The following SKAP2 variants were observed in gnomAD, a reference collection of about 807,000 sequenced individuals.
SKAP2 encodes the protein src kinase associated phosphoprotein 2.
SKAP2 carries 28 observed loss-of-function variants against 54.9 expected under a neutral mutation model. That is an observed-to-expected ratio of 0.51 (90% confidence interval 0.38 to 0.70). SKAP2 has a LOEUF of 0.70. Ranked by LOEUF, SKAP2 falls within the 30% of genes least tolerant of loss-of-function variation. The pLI is 0.00. For missense variants in SKAP2, 356 were observed against 424.1 expected (o/e 0.84, Z 1.41); for synonymous variants, 137 against 134.3 (o/e 1.02, Z -0.14).
At chr7:26,739,696 G>A (rs1487118042) in intron 5 of SKAP2, among the ~76,000 whole-genome samples, 191 bp downstream of exon 5, 11 of 152,038 alleles carry the variant, frequency 7.2e-5, no homozygotes, top group Non-Finnish European at 1.6e-4. Context: ...CTAACCTAAT[G>A]TTTTCTTATT....
chr7:26,794,143 T>A (rs552963728), intron 4 of SKAP2, among the ~76,000 whole-genome samples: 2 of 152,218 alleles, frequency 1.3e-5, no homozygotes, highest in Non-Finnish European at 2.9e-5. Flanking sequence ...AAATAGTGTA[T>A]CTTCTTTTAT....
At chr7:26,697,674 T>C (rs1341075774) in intron 9 of SKAP2, among the ~76,000 whole-genome samples, 1 of 152,138 alleles carries the variant, frequency 6.6e-6, no homozygotes, top group Admixed American at 6.6e-5. Flanking sequence ...GTAACCTTTT[T>C]CTTATTATTC....
intron 4 of SKAP2, among the ~76,000 whole-genome samples, chr7:26,749,774 ATAATAATAATAG>A (rs942635707): frequency 4.0e-5 from 6 of 149,060 alleles, no homozygotes; most frequent in African/African-American, 1.2e-4. Flanking sequence ...AATAATAATA[ATAATAATAATAG>A]GTCCTACTTC....
downstream of SKAP2, among the ~76,000 whole-genome samples, chr7:26,663,613 A>G (rs563521161): frequency 3.3e-5 from 5 of 152,312 alleles, no homozygotes; most frequent in East Asian, 9.6e-4. Flanking sequence ...CTGATGGTAC[A>G]GTTTGTTAAC....
chr7:26,723,269 G>A (rs950336924), intron 9 of SKAP2, among the ~76,000 whole-genome samples: 1 of 152,150 alleles, frequency 6.6e-6, no homozygotes, highest in Non-Finnish European at 1.5e-5. Flanking sequence ...GTAGCCGTTG[G>A]CACAAACTTG....
intron 4 of SKAP2, among the ~76,000 whole-genome samples, chr7:26,834,593 A>G (rs1250745832): frequency 6.6e-6 from 1 of 152,212 alleles, no homozygotes; most frequent in Non-Finnish European, 1.5e-5. Context: ...TAGAAAATCT[A>G]AAAGAAATGG....
chr7:26,701,298 G>A (rs1787015948), intron 9 of SKAP2, among the ~76,000 whole-genome samples: 1 of 152,110 alleles, frequency 6.6e-6, no homozygotes, highest in Non-Finnish European at 1.5e-5. Flanking sequence ...CTGAACCACT[G>A]TCTCTAATAA....
intron 3 of SKAP2, among the ~76,000 whole-genome samples, chr7:26,846,594 C>T (rs1046448742): frequency 1.3e-5 from 2 of 152,132 alleles, no homozygotes; most frequent in Non-Finnish European, 2.9e-5. Flanking sequence ...AAACTGATCA[C>T]TAACAGGTGA....
chr7:26,797,453 T>G (rs538523119), intron 4 of SKAP2, among the ~76,000 whole-genome samples: 19 of 152,326 alleles, frequency 1.2e-4, no homozygotes, highest in African/African-American at 4.3e-4. Flanking sequence ...TGTCCAAGAC[T>G]GTCAAGGTGG....
At chr7:26,733,130 C>CA (rs76555106) in intron 6 of SKAP2, among the ~76,000 whole-genome samples, 1,460 of 106,336 alleles carry the variant, frequency 0.014, 8 homozygotes, top group Non-Finnish European at 0.019. Flanking sequence ...GACCCCGTCT[C>CA]AAAAAAAAAA....
chr7:26,759,992 A>C (rs1338909536), intron 4 of SKAP2, among the ~76,000 whole-genome samples: 1 of 152,192 alleles, frequency 6.6e-6, no homozygotes, highest in African/African-American at 2.4e-5. Flanking sequence ...TTCCACACTG[A>C]AAAGTGATGA....
intron 4 of SKAP2, among the ~76,000 whole-genome samples, chr7:26,783,902 C>G (rs1783480554): frequency 1.3e-5 from 2 of 151,584 alleles, no homozygotes; most frequent in Non-Finnish European, 2.9e-5. Flanking sequence ...CGTAACTAAC[C>G]TGCACATTAT....
At chr7:26,754,605 A>G (rs1208867330) in intron 4 of SKAP2, among the ~76,000 whole-genome samples, 1 of 152,196 alleles carries the variant, frequency 6.6e-6, no homozygotes, top group Non-Finnish European at 1.5e-5. Flanking sequence ...AAGAAATTTT[A>G]ATGATTTAGT....
intron 11 of SKAP2, among the ~76,000 whole-genome samples, chr7:26,683,535 T>TGGAAGGAAGGAAGGAA (rs145108418): frequency 0.054 from 7,925 of 147,068 alleles, 276 homozygotes; most frequent in Admixed American, 0.1. Flanking sequence ...GATGGATGGA[T>TGGAAGGAAGGAAGGAA]GGAAGGAAGG....
Position 26,846,957 on chromosome 7 carries a change from ACTGCACTCCAGC to A in SKAP2, c.200-2832_200-2821del, listed in dbSNP as rs1784935698. Among the ~76,000 whole-genome samples the A allele has an allele frequency of 2.0e-5, 3 of 152,204 alleles. No homozygotes were observed. The South Asian group carries it at 6.2e-4, about 32-fold the overall frequency. On this transcript the variant is annotated intron_variant, in intron 3 of 12. Coordinates refer to ENST00000345317, the MANE Select transcript of SKAP2 (RefSeq NM_003930.5). The stretch of plus-strand genomic sequence containing the variant: ...CACTGCAGTGGGCCAAGATTATGCC[ACTGCACTCCAGC>A]CTGGGCAACAGAGACTCTGTCTCAA...
At chr7:26,754,013 T>C (rs1285712958) in intron 4 of SKAP2, among the ~76,000 whole-genome samples, 1 of 152,096 alleles carries the variant, frequency 6.6e-6, no homozygotes, top group Non-Finnish European at 1.5e-5. Context: ...GGAAGAAAAT[T>C]GGGACAGAAC....
intron 4 of SKAP2, among the ~76,000 whole-genome samples, chr7:26,787,700 G>A (rs917589479): frequency 6.6e-6 from 1 of 152,104 alleles, no homozygotes; most frequent in African/African-American, 2.4e-5. Flanking sequence ...GAGCAAGAGG[G>A]AGGGGGAGGT....
At chr7:26,863,499 A>AT in intron 1 of SKAP2, among the ~76,000 whole-genome samples, 1 of 152,228 alleles carries the variant, frequency 6.6e-6, no homozygotes, top group East Asian at 1.9e-4. Context: ...TTAAAAACAT[A>AT]TATTTTCTAC....
intron 4 of SKAP2, among the ~76,000 whole-genome samples, chr7:26,807,604 T>C (rs592359): frequency 0.74 from 112,211 of 152,116 alleles, 41,985 homozygotes; most frequent in East Asian, 0.95. Flanking sequence ...AGTGTGAAAA[T>C]GGACTAATAC....
Sources: allele counts gnomAD v4.1 joint callset (sites outside exome capture counted in the v4.1 genomes callset), GRCh38; gene constraint gnomAD v4.1.1; transcripts MANE v1.5; gene names NCBI Gene and HGNC (gene_info 2026-07-23, HGNC 2026-07-21).